ARFGAP1: variants seen among roughly 807,000 people sequenced by gnomAD.
The protein encoded by ARFGAP1 is ARF GTPase activating protein 1, also known as ADP-ribosylation factor GTPase-activating protein 1.
In ARFGAP1, 26 loss-of-function variants were observed where a neutral mutation model predicts 54.0. The ratio of observed to expected loss-of-function variants is 0.48; its 90% CI spans 0.35 to 0.67. ARFGAP1 has a LOEUF of 0.67. ARFGAP1 is among the 30% of genes least tolerant of loss of function. The pLI is 0.00. For missense variants in ARFGAP1, 525 were observed against 535.8 expected (o/e 0.98, Z 0.20); for synonymous variants, 248 against 211.9 (o/e 1.17, Z -1.48).
chr20:63,285,950 C>A (rs1175579996), intron 11 of ARFGAP1: 1 of 1,497,352 alleles, frequency 6.7e-7, no homozygotes, highest in East Asian at 2.5e-5. Flanking sequence ...TCTTATCTTG[C>A]TGCTGCTGGC....
chr20:63,283,077 G>T, intron 9 of ARFGAP1: 1 of 580,858 alleles, frequency 1.7e-6, no homozygotes, highest in South Asian at 2.1e-5. Flanking sequence ...CTCGTTTCCT[G>T]TTCACTGGTA....
At chr20:63,285,739 C>T (rs1344862786) in intron 11 of ARFGAP1, 26 bp downstream of exon 11, 1 of 1,610,182 alleles carries the variant, frequency 6.2e-7, no homozygotes, top group Admixed American at 1.7e-5. Context: ...GATACGCGGG[C>T]ACAGTCGAAG....
Position 63,286,407 on chromosome 20 carries a change from C to CT in ARFGAP1, c.883dup (p.Ser295PhefsTer42). ...GTAAGGGATGGCGGGACGTCACCAC[C>CT]TTTTTTTCGGGGAAAGCAGAGGGCC... On this transcript the variant is annotated frameshift_variant, in exon 12 of 13. Transcript: ENST00000370283. LOFTEE classifies it low-confidence loss of function (END_TRUNC). The CT allele has an allele frequency of 6.2e-7, 1 of 1,613,488 alleles. No homozygotes were observed. Among genetic ancestry groups the CT allele is most frequent in the Admixed American group, 1.7e-5 (1 of 60,012 alleles).
Position 63,285,681 on chromosome 20 carries a change from G to A in ARFGAP1, c.802G>A (p.Val268Ile). The change falls in exon 11 of 13, where the codon GTC becomes ATC. Residue 268 changes from valine to isoleucine, a missense_variant. Transcript: ENST00000370283. ...KVKEGKIFDD[V>I]SSGVSQLASK... ...GAAGGAGGGAAAGATTTTTGATGAT[G>A]TCTCCAGTGGGGTCTCTCAGTTGGC... 1 of 1,613,682 alleles carries A rather than the reference G, an allele frequency of 6.2e-7. No individual in the cohort carries two copies. Among genetic ancestry groups the A allele is most frequent in the African/African-American group, 1.3e-5 (1 of 75,052 alleles).
intron 9 of ARFGAP1, 72 bp from the exon 10 acceptor site, chr20:63,284,794 C>A: frequency 1.9e-6 from 3 of 1,593,110 alleles, no homozygotes; most frequent in East Asian, 4.6e-5. Flanking sequence ...CTTTGCTGGC[C>A]TGTGCTGCCA....
At position 63,284,927 on chromosome 20, in the gene ARFGAP1, C is replaced by CG; in HGVS notation, c.774+8dup. Reference sequence around the variant, plus strand: ...CTCAAGCCTGCGCAGGAGAAGGTAACGGGCAGCTCCGGGTGGTTGTGCCTG... The same window carrying CG: ...CTCAAGCCTGCGCAGGAGAAGGTAACGGGGCAGCTCCGGGTGGTTGTGCCTG... On this transcript the variant is annotated splice_donor_region_variant and intron_variant, in intron 10 of 12. Coordinates refer to ENST00000370283, the MANE Select transcript of ARFGAP1 (RefSeq NM_018209.4). 1 of 1,613,144 alleles carries CG rather than the reference C, an allele frequency of 6.2e-7. No individual in the cohort carries two copies. Among genetic ancestry groups the CG allele is most frequent in the Non-Finnish European group, 8.5e-7 (1 of 1,179,828 alleles).
Position 63,287,971 on chromosome 20 carries a change from A to G in ARFGAP1, c.*98A>G. 1 of 1,324,326 alleles carries G rather than the reference A, an allele frequency of 7.6e-7. No homozygotes were observed. The highest frequency in any genetic ancestry group is 1.0e-6 in the Non-Finnish European group (1 of 993,862). 82.0% of individuals were successfully genotyped at this position (1,324,326 alleles called of 1,614,324 possible). On this transcript the variant is annotated 3_prime_UTR_variant, in exon 13 of 13. Coordinates refer to ENST00000370283, the MANE Select transcript of ARFGAP1 (RefSeq NM_018209.4). The stretch of plus-strand genomic sequence containing the variant: ...CCTTCCATTTGACCCAAGAATCAGC[A>G]ACTGCAGTGTGAGGACAGCGTCTCG...
intron 8 of ARFGAP1, 108 bp from the exon 9 acceptor site, chr20:63,282,711 C>CG (rs2067416349): frequency 2.6e-6 from 3 of 1,163,940 alleles, no homozygotes; most frequent in Non-Finnish European, 3.9e-6. Context: ...GCTGGCAGCC[C>CG]GGGGGCCATT....
At position 63,277,256 on chromosome 20, in the gene ARFGAP1, C is replaced by G. The variant is rs2067258839; in HGVS notation, c.394C>G (p.Gln132Glu). ...GTGGTCTCTGGAGTCATCACCTGCC[C>G]AGAACTGGACCCCACCTCAGCCCAG... ...REWSLESSPA[Q>E]NWTPPQPRTL... Residue 132 changes from glutamine (Q) to glutamate (E), a missense_variant, in exon 5 of 13, where the codon CAG becomes GAG. Gln to Glu is a conservative substitution (Grantham distance 29). This residue lies in a region of ARFGAP1 where 466 missense variants were observed against 453.6 expected (regional missense o/e 1.03). Coordinates refer to ENST00000370283, the MANE Select transcript of ARFGAP1 (RefSeq NM_018209.4). 1.2e-6 allele frequency: 2 copies of G among 1,613,020 alleles called. No homozygotes were observed. Among genetic ancestry groups the G allele is most frequent in the Non-Finnish European group, 1.7e-6 (2 of 1,179,944 alleles).
chr20:63,288,032 G>T lies in ARFGAP1; in HGVS notation c.*159G>T. The T allele has an allele frequency of 1.1e-6, 1 of 884,236 alleles. No homozygotes were observed. Among genetic ancestry groups the T allele is most frequent in the Non-Finnish European group, 1.7e-6 (1 of 596,044 alleles). 54.8% of individuals were successfully genotyped at this position (884,236 alleles called of 1,614,324 possible). A position where few individuals can be genotyped will look rare whatever the true frequency, so the allele number is the denominator to read the frequency against. On this transcript the variant is annotated 3_prime_UTR_variant, in exon 13 of 13. Transcript: ENST00000370283. ...CCCTAGGGAGACCCGGGTGTGCGCC[G>T]CCTGCGCGTGGGGAGTCTTCGGTGC...
chr20:63,277,412 T>C (rs2067262531), intron 5 of ARFGAP1, 107 bp downstream of exon 5: 1 of 974,980 alleles, frequency 1.0e-6, no homozygotes. Context: ...GACAGCTCTT[T>C]TCCCAGAAGT....
At chr20:63,287,443 A>AG (rs201356399) in intron 12 of ARFGAP1, 121 bp from the exon 13 acceptor site, 1 of 897,758 alleles carries the variant, frequency 1.1e-6, no homozygotes, top group Non-Finnish European at 1.6e-6. Flanking sequence ...GCTGCTGTGG[A>AG]CCCTGAGCGC....
At position 63,288,419 on chromosome 20, in the gene ARFGAP1, C is replaced by T; in HGVS notation, c.*546C>T. 1 of 456,218 alleles carries T rather than the reference C, an allele frequency of 2.2e-6. No homozygotes were observed. The allele number at this position is 456,218 out of a possible 1,614,324, so 28.3% of individuals were successfully genotyped here. A position where few individuals can be genotyped will look rare whatever the true frequency, so the allele number is the denominator to read the frequency against. Reference sequence around the variant, plus strand: ...CCCTCGGCTCCCGAGTCCACGCCTGCCTGGGCCTGTGCTGTCAGACCCGCG... The same window carrying T: ...CCCTCGGCTCCCGAGTCCACGCCTGTCTGGGCCTGTGCTGTCAGACCCGCG... On this transcript the variant is annotated 3_prime_UTR_variant, in exon 13 of 13. Transcript: ENST00000370283.
chr20:63,283,566 T>C, intron 9 of ARFGAP1: 1 of 464,892 alleles, frequency 2.2e-6, no homozygotes, highest in Non-Finnish European at 3.8e-6. Flanking sequence ...CACCCCTTCC[T>C]CTCTGAGGGA....
At position 63,284,451 on chromosome 20, in the gene ARFGAP1, G is replaced by A. The variant is rs779976994; in HGVS notation, c.718-415G>A. The A allele has an allele frequency of 3.6e-5, 39 of 1,096,408 alleles. No homozygotes were observed. In the Middle Eastern group the frequency reaches 7.6e-4, roughly 21 times the overall value. The allele number at this position is 1,096,408 out of a possible 1,614,324, so 67.9% of individuals were successfully genotyped here. On this transcript the variant is annotated intron_variant, in intron 9 of 12. Coordinates refer to ENST00000370283, the MANE Select transcript of ARFGAP1 (RefSeq NM_018209.4). ...GCTTCTTCCTATGGCCCCAGCCTCC[G>A]TGCCCTCTTCCCTCCAGGGGGGACT...
At chr20:63,275,768 G>A (rs1461787446) in intron 2 of ARFGAP1, 128 bp downstream of exon 2, 12 of 941,276 alleles carry the variant, frequency 1.3e-5, no homozygotes, top group African/African-American at 3.3e-5. Context: ...GGCTCTGGAC[G>A]TGCATGGCTT....
chr20:63,282,980 G>C, intron 9 of ARFGAP1, 129 bp downstream of exon 9: 2 of 995,426 alleles, frequency 2.0e-6, no homozygotes, highest in South Asian at 2.7e-5. Flanking sequence ...GGGTCCCAGC[G>C]TAGAAGGGGG....
intron 9 of ARFGAP1, 94 bp from the exon 10 acceptor site, chr20:63,284,772 G>A (rs906936574): frequency 6.4e-7 from 1 of 1,560,838 alleles, no homozygotes; most frequent in Non-Finnish European, 8.6e-7. Flanking sequence ...TGCTGGTGAA[G>A]CTCGTGCTGC....
intron 8 of ARFGAP1, among the ~76,000 whole-genome samples, chr20:63,282,426 A>G (rs969492024): frequency 3.3e-5 from 5 of 152,236 alleles, no homozygotes; most frequent in Non-Finnish European, 7.3e-5. Context: ...ACAGCAGGGT[A>G]GATGGGGCTG....
Sources: gnomAD v4.1 joint callset for allele counts (sites outside exome capture counted in the v4.1 genomes callset) on GRCh38, gnomAD v4.1.1 for gene constraint, gnomAD v4.1.1 regional missense constraint, MANE v1.5 for transcripts, NCBI Gene and HGNC (gene_info 2026-07-23, HGNC 2026-07-21) for gene names.